NKAIN2: variants seen among roughly 807,000 people sequenced by gnomAD.
NKAIN2 encodes the protein sodium/potassium transporting ATPase interacting 2, also known as sodium/potassium-transporting ATPase subunit beta-1-interacting protein 2.
A neutral mutation model predicts 32.6 loss-of-function variants in NKAIN2; 14 were observed. The observed-to-expected ratio is 0.43, with a 90% CI of 0.28 to 0.67. The LOEUF is 0.67. Ranked by LOEUF, NKAIN2 falls within the 30% of genes least tolerant of loss-of-function variation. The pLI is 0.17. For missense variants in NKAIN2, 198 were observed against 258.3 expected, an observed-to-expected ratio of 0.77 and a Z score of 1.60; for synonymous variants, 80 against 87.2, an observed-to-expected ratio of 0.92 and a Z score of 0.46.
intron 1 of NKAIN2, among the ~76,000 whole-genome samples, chr6:123,987,119 G>T (rs1157150268): frequency 6.6e-6 from 1 of 152,132 alleles, no homozygotes; most frequent in Non-Finnish European, 1.5e-5. Flanking sequence ...AATGTGCACA[G>T]TATACTTCAC....
intron 2 of NKAIN2, 76 bp downstream of exon 2, chr6:124,283,218 TTA>T (rs1795386067): frequency 2.0e-6 from 2 of 988,630 alleles, no homozygotes; most frequent in Non-Finnish European, 3.2e-6. Context: ...CCTTGAAAAC[TTA>T]TGTGTATAAT....
intron 1 of NKAIN2, among the ~76,000 whole-genome samples, chr6:124,148,292 T>C (rs1031363565): frequency 6.4e-5 from 4 of 62,532 alleles, no homozygotes; most frequent in African/African-American, 1.4e-4. Context: ...TTTTAACTTA[T>C]AGAATTTGGT....
At chr6:124,041,955 G>A (rs1406010353) in intron 1 of NKAIN2, among the ~76,000 whole-genome samples, 1 of 152,050 alleles carries the variant, frequency 6.6e-6, no homozygotes, top group Non-Finnish European at 1.5e-5. Context: ...AGGTGTCCAT[G>A]CCTTTCCTTA....
intron 1 of NKAIN2, among the ~76,000 whole-genome samples, chr6:123,945,121 C>CT (rs1161400508): frequency 6.6e-6 from 1 of 152,038 alleles, no homozygotes; most frequent in African/African-American, 2.4e-5. Context: ...ACATTGAACT[C>CT]TAATATTTTC....
At chr6:124,593,953 A>G (rs1781997046) in intron 3 of NKAIN2, among the ~76,000 whole-genome samples, 1 of 152,232 alleles carries the variant, frequency 6.6e-6, no homozygotes, top group Non-Finnish European at 1.5e-5. Flanking sequence ...TATCTTAAAG[A>G]TTAAATGACT....
At chr6:124,009,854 G>T (rs1238806487) in intron 1 of NKAIN2, among the ~76,000 whole-genome samples, 1 of 151,878 alleles carries the variant, frequency 6.6e-6, no homozygotes, top group Non-Finnish European at 1.5e-5. Context: ...TGAGATTTAT[G>T]GACAAAGACT....
intron 3 of NKAIN2, among the ~76,000 whole-genome samples, chr6:124,435,640 G>A (rs1204815977): frequency 1.3e-5 from 2 of 152,098 alleles, no homozygotes; most frequent in Non-Finnish European, 2.9e-5. Flanking sequence ...TCCAGAGCTC[G>A]TGTTCGTATT....
At chr6:124,205,507 T>C (rs1790826937) in intron 1 of NKAIN2, among the ~76,000 whole-genome samples, 1 of 147,964 alleles carries the variant, frequency 6.8e-6, no homozygotes, top group South Asian at 2.1e-4. Flanking sequence ...AGTATCCCAA[T>C]TGTTTGTTTG....
At chr6:124,258,139 GA>G (rs1180129827) in intron 1 of NKAIN2, among the ~76,000 whole-genome samples, 1 of 120,772 alleles carries the variant, frequency 8.3e-6, no homozygotes, top group Non-Finnish European at 1.6e-5. Flanking sequence ...TCTTTTTCAA[GA>G]TTAAAAAAAA....
chr6:124,425,736 A>G (rs1210574015), intron 3 of NKAIN2, among the ~76,000 whole-genome samples: 1 of 152,126 alleles, frequency 6.6e-6, no homozygotes, highest in Non-Finnish European at 1.5e-5. Flanking sequence ...GTAAAATGCA[A>G]ATTAAAAGCA....
At position 124,220,496 on chromosome 6, in the gene NKAIN2, G is replaced by A. The variant is rs115426007; in HGVS notation, c.55-62509G>A. On this transcript the variant is annotated intron_variant, in intron 1 of 6. Coordinates refer to ENST00000368417, the MANE Select transcript of NKAIN2 (RefSeq NM_001040214.3). ...GGCCATTTAAGTTATTTATAAAGTT[G>A]TACTAAGATAAATAGTATTGTGATG... Among the ~76,000 whole-genome samples the A allele has an allele frequency of 3.0e-3, 452 of 149,354 alleles. 2 individuals carry two copies. The highest frequency in any genetic ancestry group is 0.01 in the African/African-American group (412 of 40,612).
chr6:123,878,207 C>T (rs912824150), intron 1 of NKAIN2, among the ~76,000 whole-genome samples: 5 of 142,720 alleles, frequency 3.5e-5, no homozygotes, highest in Admixed American at 2.9e-4. Context: ...CCCTGGACTA[C>T]AAGAGTGAAA....
At chr6:123,814,562 C>A (rs900728548) in intron 1 of NKAIN2, among the ~76,000 whole-genome samples, 3 of 152,126 alleles carry the variant, frequency 2.0e-5, no homozygotes, top group African/African-American at 7.2e-5. Flanking sequence ...TTTTCACTTT[C>A]TTTTCGTAAG....
intron 1 of NKAIN2, among the ~76,000 whole-genome samples, chr6:124,003,102 T>G (rs1188281383): frequency 6.6e-6 from 1 of 152,188 alleles, no homozygotes; most frequent in Non-Finnish European, 1.5e-5. Context: ...ACTATTCCTC[T>G]TTACAGATAC....
chr6:123,991,196 A>G (rs1340342555), intron 1 of NKAIN2, among the ~76,000 whole-genome samples: 1 of 152,166 alleles, frequency 6.6e-6, no homozygotes, highest in Non-Finnish European at 1.5e-5. Flanking sequence ...AATTTGTTTT[A>G]TTTAATGCAG....
chr6:124,740,763 A>G (rs9398763), intron 4 of NKAIN2, among the ~76,000 whole-genome samples: 65,627 of 151,658 alleles, frequency 0.43, 14,470 homozygotes, highest in Admixed American at 0.48. Context: ...GAAGGAGCAC[A>G]GTAGAGAACA....
intron 1 of NKAIN2, among the ~76,000 whole-genome samples, chr6:124,223,478 C>T (rs985159771): frequency 6.6e-6 from 1 of 152,092 alleles, no homozygotes. Context: ...GTCTTTTCCT[C>T]ACCCTTCCTG....
rs1478124902 is a variant in NKAIN2 at position 124,758,202 on chromosome 6, C to T, written c.475-33137C>T. ...GATCCCTCCCTCTACTGCACACTTG[C>T]CTCCCCCTTGACTTTCCTGTTACAA... On this transcript the variant is annotated intron_variant, in intron 4 of 6. Coordinates refer to ENST00000368417, the MANE Select transcript of NKAIN2 (RefSeq NM_001040214.3). 2.0e-5 allele frequency among the ~76,000 whole-genome samples: 3 copies of T among 152,082 alleles called. No individual in the cohort carries two copies. In the East Asian group the frequency reaches 5.8e-4, roughly 29 times the overall value.
At position 124,033,633 on chromosome 6, in the gene NKAIN2, G is replaced by A. The variant is rs74714356; in HGVS notation, c.54+229379G>A. 7.6e-3 allele frequency among the ~76,000 whole-genome samples: 1,159 copies of A among 152,112 alleles called. 5 individuals are homozygous for A. The highest frequency in any genetic ancestry group is 0.023 in the South Asian group (111 of 4,824). ...ATGGACGATTTCATTCTCACTAAGC[G>A]AGCATCCTCCCACTAAACGAAAGAA... On this transcript the variant is annotated intron_variant, in intron 1 of 6. Transcript: ENST00000368417.
Sources: gnomAD v4.1 joint callset for allele counts (sites outside exome capture counted in the v4.1 genomes callset) on GRCh38, gnomAD v4.1.1 for gene constraint, MANE v1.5 for transcripts, NCBI Gene and HGNC (gene_info 2026-07-23, HGNC 2026-07-21) for gene names.